TTLL5: variants seen among roughly 807,000 people sequenced by gnomAD.
TTLL5 encodes the protein tubulin tyrosine ligase like 5.
In TTLL5, 132 loss-of-function variants were observed where a neutral mutation model predicts 168.4. The observed-to-expected ratio is 0.78, with a 90% CI of 0.68 to 0.91. The LOEUF is 0.91. TTLL5 is among the 40% of genes least tolerant of loss of function. The probability of loss-of-function intolerance (pLI) is 0.00; values close to 1 mark genes in which losing one functional copy is unlikely to be tolerated. For missense variants in TTLL5, 1,545 were observed against 1,581.5 expected, an observed-to-expected ratio of 0.98 and a Z score of 0.39; for synonymous variants, 546 against 558.6, an observed-to-expected ratio of 0.98 and a Z score of 0.32.
intron 6 of TTLL5, among the ~76,000 whole-genome samples, chr14:75,695,127 CT>C (rs923648212): frequency 3.3e-5 from 5 of 152,170 alleles, no homozygotes; most frequent in African/African-American, 1.2e-4. Context: ...TTGCTGAATT[CT>C]TTTTCTCAGC....
chr14:75,843,460 CA>C (rs1896362904), intron 28 of TTLL5, among the ~76,000 whole-genome samples: 1 of 152,206 alleles, frequency 6.6e-6, no homozygotes, highest in Non-Finnish European at 1.5e-5. Context: ...TCTTCACATC[CA>C]TCTAGATTTA....
At chr14:75,887,644 T>G (rs768550205) in intron 30 of TTLL5, among the ~76,000 whole-genome samples, 1 of 152,200 alleles carries the variant, frequency 6.6e-6, no homozygotes, top group Non-Finnish European at 1.5e-5. Context: ...CTGGAACTTA[T>G]ATGACCCGCT....
At chr14:75,737,239 A>T (rs1888967928) in intron 15 of TTLL5, among the ~76,000 whole-genome samples, 1 of 152,208 alleles carries the variant, frequency 6.6e-6, no homozygotes, top group Non-Finnish European at 1.5e-5. Context: ...CACTTACATA[A>T]AGGCTAAAGG....
intron 23 of TTLL5, among the ~76,000 whole-genome samples, chr14:75,779,348 C>T (rs1891910342): frequency 6.6e-6 from 1 of 152,112 alleles, no homozygotes; most frequent in South Asian, 2.1e-4. Flanking sequence ...CCATATTAGA[C>T]AGTGTAGATC....
chr14:75,919,415 A>G (rs1018439017), intron 31 of TTLL5, among the ~76,000 whole-genome samples: 51 of 152,144 alleles, frequency 3.4e-4, no homozygotes, highest in African/African-American at 1.1e-3. Flanking sequence ...CCAAAACAGT[A>G]TGGATGGGAT....
chr14:75,953,706 C>T (rs2035028480), intron 31 of TTLL5, among the ~76,000 whole-genome samples: 1 of 152,096 alleles, frequency 6.6e-6, no homozygotes, highest in African/African-American at 2.4e-5. Flanking sequence ...TTATCTGACA[C>T]TCTGACATTG....
intron 31 of TTLL5, among the ~76,000 whole-genome samples, chr14:75,936,698 G>A (rs2034443506): frequency 6.6e-6 from 1 of 152,166 alleles, no homozygotes. Flanking sequence ...TGAAGTAATT[G>A]CTGTGGCCAA....
intron 27 of TTLL5, among the ~76,000 whole-genome samples, chr14:75,805,578 T>C (rs976071480): frequency 2.0e-5 from 3 of 152,230 alleles, no homozygotes; most frequent in African/African-American, 7.2e-5. Flanking sequence ...TATATATCTT[T>C]AGTTTGAGCC....
At chr14:75,914,033 A>AAAAAAAAATATATATATAT in intron 31 of TTLL5, among the ~76,000 whole-genome samples, 1 of 71,100 alleles carries the variant, frequency 1.4e-5, no homozygotes. Context: ...AAAAAAAAAA[A>AAAAAAAAATATATATATAT]ATATATATAT....
chr14:75,710,166 A>G (rs998816063), intron 9 of TTLL5: 1 of 152,192 alleles, frequency 6.6e-6, no homozygotes, highest in African/African-American at 2.4e-5. Flanking sequence ...GTTTTGCTTA[A>G]TATTCCAAAG....
At chr14:75,813,779 T>C (rs2140398716) in intron 27 of TTLL5, among the ~76,000 whole-genome samples, 1 of 152,008 alleles carries the variant, frequency 6.6e-6, no homozygotes, top group South Asian at 2.1e-4. Context: ...CTTAAAGATG[T>C]TGATTAGCTT....
chr14:75,876,189 A>T (rs952444864), intron 29 of TTLL5, among the ~76,000 whole-genome samples: 4 of 152,192 alleles, frequency 2.6e-5, no homozygotes, highest in African/African-American at 7.2e-5. Flanking sequence ...TGTGGTCATG[A>T]ACTGCAGCCC....
At chr14:75,678,163 A>T (rs1208967922) in intron 3 of TTLL5, among the ~76,000 whole-genome samples, 3 of 152,124 alleles carry the variant, frequency 2.0e-5, no homozygotes, top group Non-Finnish European at 2.9e-5. Flanking sequence ...AGGACCAGAT[A>T]TTTTTTCATT....
intron 19 of TTLL5, among the ~76,000 whole-genome samples, chr14:75,765,275 G>A (rs998169227): frequency 1.3e-5 from 2 of 152,086 alleles, no homozygotes; most frequent in Non-Finnish European, 2.9e-5. Context: ...CAGGCAGTGT[G>A]TTAGTCACTG....
At chr14:75,838,641 C>G (rs1438901701) in intron 28 of TTLL5, 1 of 152,226 alleles carries the variant, frequency 6.6e-6, no homozygotes, top group Non-Finnish European at 1.5e-5. Context: ...GGTGCAACCC[C>G]TGGCTAAGGT....
chr14:75,735,634 T>G (rs779544915), intron 15 of TTLL5, among the ~76,000 whole-genome samples: 3 of 152,220 alleles, frequency 2.0e-5, no homozygotes, highest in Non-Finnish European at 2.9e-5. Context: ...CATTACTGCA[T>G]TCTTTCTGAT....
chr14:75,825,323 CCTGGGA>C (rs535013513), intron 28 of TTLL5, among the ~76,000 whole-genome samples: 14 of 152,262 alleles, frequency 9.2e-5, no homozygotes, highest in East Asian at 7.7e-4. Flanking sequence ...GCAGTACGCT[CCTGGGA>C]CTGGATAACA....
intron 31 of TTLL5, among the ~76,000 whole-genome samples, chr14:75,938,244 A>C (rs1198944965): frequency 6.6e-6 from 1 of 152,250 alleles, no homozygotes; most frequent in African/African-American, 2.4e-5. Flanking sequence ...GAGAAGGAGA[A>C]GTCGGAGCCA....
chr14:75,834,348 T>TGCTTTGGTATGCCATGTTAACATG (rs1384041235), intron 28 of TTLL5, among the ~76,000 whole-genome samples: 78 of 152,310 alleles, frequency 5.1e-4, no homozygotes, highest in African/African-American at 1.8e-3. Flanking sequence ...AAAGTTAAAG[T>TGCTTTGGTATGCCATGTTAACATG]GCTTGGTATG....
Sources: allele counts gnomAD v4.1 joint callset (sites outside exome capture counted in the v4.1 genomes callset), GRCh38; gene constraint gnomAD v4.1.1; transcripts MANE v1.5; gene names NCBI Gene and HGNC (gene_info 2026-07-23, HGNC 2026-07-21).